The following LAMA3 variants were observed in gnomAD, a reference collection of about 807,000 sequenced individuals.
LAMA3 encodes laminin subunit alpha-3.
In LAMA3, 281 loss-of-function variants were observed where a neutral mutation model predicts 402.0. The observed-to-expected ratio is 0.70, with a 90% CI of 0.63 to 0.77. LAMA3 has a LOEUF of 0.77. Ranked by LOEUF, LAMA3 falls within the 30% of genes least tolerant of loss-of-function variation. LAMA3 has a pLI of 0.00. For synonymous variants in LAMA3, 1,431 were observed against 1,558.4 expected (o/e 0.92, Z 1.93); for missense variants, 3,840 against 4,215.5 (o/e 0.91, Z 2.47).
At chr18:23,827,098 A>G (rs2063397667) in intron 22 of LAMA3, among the ~76,000 whole-genome samples, 1 of 152,236 alleles carries the variant, frequency 6.6e-6, no homozygotes, top group African/African-American at 2.4e-5. Context: ...AGCTTAAAAT[A>G]GAAGCCAGGT....
intron 8 of LAMA3, among the ~76,000 whole-genome samples, chr18:23,768,617 A>G (rs2062130010): frequency 1.3e-5 from 2 of 152,230 alleles, no homozygotes; most frequent in Non-Finnish European, 2.9e-5. Context: ...CTACCATTCA[A>G]CCCAGTAATC....
intron 34 of LAMA3, among the ~76,000 whole-genome samples, chr18:23,860,684 C>A (rs2064196125): frequency 7.3e-6 from 1 of 137,166 alleles, no homozygotes. Context: ...AACAAGTACT[C>A]AAAAAAAGAT....
chr18:23,865,611 A>G (rs575902492), intron 36 of LAMA3, among the ~76,000 whole-genome samples: 2 of 152,304 alleles, frequency 1.3e-5, no homozygotes, highest in East Asian at 1.9e-4. Flanking sequence ...CTGAATGGTA[A>G]CTATTGGAGG....
chr18:23,828,420 T>C (rs1193637472), intron 23 of LAMA3, among the ~76,000 whole-genome samples: 1 of 152,226 alleles, frequency 6.6e-6, no homozygotes, highest in Non-Finnish European at 1.5e-5. Flanking sequence ...ATAAAAAACC[T>C]AAATGATCTT....
intron 48 of LAMA3, among the ~76,000 whole-genome samples, chr18:23,902,619 G>A (rs2081110024): frequency 6.6e-6 from 1 of 152,192 alleles, no homozygotes; most frequent in South Asian, 2.1e-4. Context: ...CAGGTTCCGT[G>A]TGACCTCTCG....
intron 69 of LAMA3, among the ~76,000 whole-genome samples, chr18:23,944,843 T>A (rs1224354637): frequency 6.6e-6 from 1 of 152,172 alleles, no homozygotes; most frequent in Admixed American, 6.5e-5. Context: ...TAAAGAGTCT[T>A]AAAACTCTTG....
At chr18:23,838,250 T>C (rs2063625847) in intron 25 of LAMA3, among the ~76,000 whole-genome samples, 1 of 152,270 alleles carries the variant, frequency 6.6e-6, no homozygotes, top group Non-Finnish European at 1.5e-5. Context: ...GATAAATTAA[T>C]GACTAAGTTT....
chr18:23,763,498 G>A lies in LAMA3; in HGVS notation c.1157G>A (p.Gly386Asp), dbSNP rs2062015959. ...TTGAATACCCAGGGCATCTATGCTG[G>A]TGGAGGGGTCTGCATTAACTGTCAG... ...ASLNTQGIYAGGGVCINCQHN... is the reference protein window; with the variant it reads ...ASLNTQGIYADGGVCINCQHN... The change falls in exon 8 of 75, where the codon GGT (glycine) becomes GAT (aspartate). Residue 386 changes from glycine (G) to aspartate (D), a missense_variant. This residue lies in a region of LAMA3 where 2,109 missense variants were observed against 2,376.0 expected (regional missense o/e 0.89). Transcript: ENST00000313654. 2 of 1,610,436 alleles carry A rather than the reference G, an allele frequency of 1.2e-6. No homozygotes were observed. The highest frequency in any genetic ancestry group is 1.7e-6 in the Non-Finnish European group (2 of 1,176,644).
chr18:23,779,447 G>T (rs2062391602), intron 11 of LAMA3, among the ~76,000 whole-genome samples: 1 of 152,200 alleles, frequency 6.6e-6, no homozygotes, highest in Admixed American at 6.5e-5. Context: ...TTTGCTGAGG[G>T]ATTGCTAGAC....
At chr18:23,953,423 C>T (rs751242158) in intron 74 of LAMA3, among the ~76,000 whole-genome samples, 2 of 150,074 alleles carry the variant, frequency 1.3e-5, no homozygotes, top group African/African-American at 2.5e-5. Flanking sequence ...CTCACCACAA[C>T]CTCTGCCTCC....
chr18:23,810,406 C>T lies in LAMA3; in HGVS notation c.1644C>T (p.Cys548=). Residue 548 remains cysteine, a synonymous_variant, in exon 13 of 75, where the codon TGC becomes TGT. Transcript: ENST00000313654. ...CSALGSYQMP[C]SSVTGQCECR... is the part of the protein sequence containing the mutation. ...CCCTTGGATCCTACCAGATGCCCTGCAGCTCAGTGACTGGACAGTGTGAAT... is the reference window on the plus strand; with the variant it reads ...CCCTTGGATCCTACCAGATGCCCTGTAGCTCAGTGACTGGACAGTGTGAAT... 3 of 1,614,158 alleles carry T rather than the reference C, an allele frequency of 1.9e-6. No individual in the cohort carries two copies. The highest frequency in any genetic ancestry group is 2.5e-6 in the Non-Finnish European group (3 of 1,180,018).
chr18:23,941,326 G>GCC (rs202068459), intron 68 of LAMA3, among the ~76,000 whole-genome samples: 1 of 40,060 alleles, frequency 2.5e-5, no homozygotes, highest in Non-Finnish European at 5.6e-5. Context: ...TCAGCTTGGC[G>GCC]CCCCCCCCCC....
At chr18:23,732,630 T>C (rs1425418634) in intron 2 of LAMA3, among the ~76,000 whole-genome samples, 1 of 152,134 alleles carries the variant, frequency 6.6e-6, no homozygotes, top group Non-Finnish European at 1.5e-5. Context: ...GCATTGGCTC[T>C]ATCTCAACCT....
At position 23,884,868 on chromosome 18, in the gene LAMA3, C is replaced by G. The variant is rs757043325; in HGVS notation, c.5303+15C>G. ...CAGTGTGAAAGGTAAGGTGGGCGCC[C>G]CTCCCGCCTCAGCCTGCAGAGGGGG... On this transcript the variant is annotated intron_variant, in intron 41 of 74. Coordinates refer to ENST00000313654, the MANE Select transcript of LAMA3 (RefSeq NM_198129.4). 6.3e-7 allele frequency: 1 copy of G among 1,598,034 alleles called. No individual in the cohort carries two copies. Among genetic ancestry groups the G allele is most frequent in the Non-Finnish European group, 8.6e-7 (1 of 1,169,230 alleles).
chr18:23,889,216 C>G (rs906857233), intron 41 of LAMA3, among the ~76,000 whole-genome samples: 3 of 152,102 alleles, frequency 2.0e-5, no homozygotes, highest in Non-Finnish European at 1.5e-5. Flanking sequence ...CACTTGAGCC[C>G]AGGAGTTCAA....
At chr18:23,726,516 T>C (rs1464702506) in intron 2 of LAMA3, among the ~76,000 whole-genome samples, 1 of 152,196 alleles carries the variant, frequency 6.6e-6, no homozygotes, top group Non-Finnish European at 1.5e-5. Context: ...AGGTGCCTGG[T>C]ATTTAGAGCA....
In LAMA3 at chr18:23,917,751, A is replaced by G. The variant is rs182297143; in HGVS notation, c.7923+1056A>G. On this transcript the variant is annotated intron_variant, in intron 60 of 74. Transcript: ENST00000313654. ...ATTTAAGTTCTGATAGATTCTGGAT[A>G]TTAGACCTTTTTCACATGCATAGTT... Among the ~76,000 whole-genome samples, 272 of 152,308 alleles carry G rather than the reference A, an allele frequency of 1.8e-3. 4 individuals carry two copies. The highest frequency in any genetic ancestry group is 6.8e-3 in the Middle Eastern group (2 of 294).
At chr18:23,722,799 A>C (rs1341490143) in intron 2 of LAMA3, among the ~76,000 whole-genome samples, 1 of 152,188 alleles carries the variant, frequency 6.6e-6, no homozygotes, top group East Asian at 1.9e-4. Context: ...ATAAAATGAT[A>C]AACGGAGGTC....
At position 23,943,776 on chromosome 18, in the gene LAMA3, T is replaced by C. The variant is rs1365284603; in HGVS notation, c.9027-12T>C. ...CACCTCTATTTCCCTTCATCGCCGA[T>C]GTTCCCAACAGGTCACAGTTTGCTG... is the stretch of plus-strand genomic sequence containing the variant. On this transcript the variant is annotated splice_polypyrimidine_tract_variant and intron_variant, in intron 68 of 74. Coordinates refer to ENST00000313654, the MANE Select transcript of LAMA3 (RefSeq NM_198129.4). 1.2e-6 allele frequency: 2 copies of C among 1,613,852 alleles called. No homozygotes were observed. Among genetic ancestry groups the C allele is most frequent in the East Asian group, 4.5e-5 (2 of 44,886 alleles).
Sources: allele counts gnomAD v4.1 joint callset (sites outside exome capture counted in the v4.1 genomes callset), GRCh38; gene constraint gnomAD v4.1.1; regional missense constraint gnomAD v4.1.1; transcripts MANE v1.5; gene names NCBI Gene and HGNC (gene_info 2026-07-23, HGNC 2026-07-21).